AGAP3: variants seen among roughly 807,000 people sequenced by gnomAD.
AGAP3 encodes arf-GAP with GTPase, ANK repeat and PH domain-containing protein 3.
AGAP3 carries 24 observed loss-of-function variants against 96.9 expected under a neutral mutation model. The observed-to-expected ratio is 0.25, with a 90% CI of 0.18 to 0.35. The LOEUF is 0.35. Among genes scored for constraint, AGAP3 ranks in the 10% least tolerant of loss-of-function variants. The pLI is 1.00. For missense variants in AGAP3, 876 were observed against 1,254.2 expected, an observed-to-expected ratio of 0.70 and a Z score of 4.55; for synonymous variants, 563 against 536.1, an observed-to-expected ratio of 1.05 and a Z score of -0.69.
rs1288562877 is a variant in AGAP3, at chr7:151,096,326, G to A, written c.331+9254G>A. On this transcript the variant is annotated intron_variant, in intron 1 of 17. Coordinates refer to ENST00000397238, the MANE Select transcript of AGAP3 (RefSeq NM_031946.7). The surrounding 1 kb of genome is among the most constrained non-coding windows in gnomAD (Gnocchi z 4.4). Reference sequence around the variant, plus strand: ...TTTAGCTCATCCAGGCCCAGGGGAAGGGACCTGAGGGGGCAGGGCTGTCAC... The same window carrying A: ...TTTAGCTCATCCAGGCCCAGGGGAAAGGACCTGAGGGGGCAGGGCTGTCAC... 1.7e-4 allele frequency among the ~76,000 whole-genome samples: 26 copies of A among 152,178 alleles called. No individual in the cohort carries two copies. Among genetic ancestry groups the A allele is most frequent in the Admixed American group, 1.7e-3 (26 of 15,280 alleles).
intron 10 of AGAP3, among the ~76,000 whole-genome samples, chr7:151,132,605 C>T (rs925107056): frequency 1.3e-5 from 2 of 152,194 alleles, no homozygotes; most frequent in Non-Finnish European, 2.9e-5. Context: ...GCAGGCTCGG[C>T]GAGACCCACA....
chr7:151,095,205 A>G (rs1002563271), intron 1 of AGAP3, among the ~76,000 whole-genome samples: 3 of 152,166 alleles, frequency 2.0e-5, no homozygotes, highest in African/African-American at 7.2e-5. Flanking sequence ...TACAACGTAC[A>G]TTTCTCTGTT....
Position 151,118,705 on chromosome 7 carries a change from C to T in AGAP3, c.969+73C>T. 6.4e-7 allele frequency: 1 copy of T among 1,562,770 alleles called. No homozygotes were observed. Among genetic ancestry groups the T allele is most frequent in the Non-Finnish European group, 8.7e-7 (1 of 1,149,496 alleles). ...CTTGCCTCTGTGCGTCCTGCCACTT[C>T]TGCTGGCCTCCTGCTCACACCTGTC... On this transcript the variant is annotated intron_variant, in intron 7 of 17. Transcript: ENST00000397238. The surrounding 1 kb of genome is among the most constrained non-coding windows in gnomAD (Gnocchi z 6.1).
rs537491993 is a variant in AGAP3, at chr7:151,138,151, C to T, written c.1504C>T (p.His502Tyr). The T allele has an allele frequency of 1.3e-6, 2 of 1,598,468 alleles. No individual in the cohort carries two copies. Among genetic ancestry groups the T allele is most frequent in the African/African-American group, 1.3e-5 (1 of 74,634 alleles). The change falls in exon 12 of 18, where the codon CAC becomes TAC. Residue 502 changes from histidine (H) to tyrosine (Y), a missense_variant. Physicochemically the swap from His to Tyr is moderately conservative, Grantham distance 83 (BLOSUM62 2). Transcript: ENST00000397238. ...ACCCTTCCCGCCCCCAGGTGCCCCC[C>T]ACTCGGCCAGCAGCGCATCCCTGCA... ...TQLGGGTGAP[H>Y]SASSASLHSE... is the part of the protein sequence containing the mutation.
intron 11 of AGAP3, chr7:151,137,762 A>G (rs1800657767): frequency 4.0e-6 from 1 of 250,314 alleles, no homozygotes; most frequent in Non-Finnish European, 7.6e-6. Flanking sequence ...AGCAAATGGC[A>G]TATGTGGACT....
chr7:151,129,952 G>A (rs1584773152), intron 10 of AGAP3, among the ~76,000 whole-genome samples: 1 of 152,334 alleles, frequency 6.6e-6, no homozygotes, highest in Middle Eastern at 3.4e-3. Flanking sequence ...CTCACAGACA[G>A]GAAGTCCCAG....
At chr7:151,094,479 GA>G (rs57860368) in intron 1 of AGAP3, among the ~76,000 whole-genome samples, 2,128 of 119,594 alleles carry the variant, frequency 0.018, 41 homozygotes, top group African/African-American at 0.054. Flanking sequence ...TGATACGTAA[GA>G]AAAAAAAAAA....
rs1369344211 is a variant in AGAP3, at chr7:151,142,028, A to G, written c.1935A>G (p.Gln645=). ...AGGCCCAGATCCTTGCCAGCCTGCAAGGCTGCCGCAGTGCCAAGGACAAGG... is the reference window on the plus strand; with the variant it reads ...AGGCCCAGATCCTTGCCAGCCTGCAGGGCTGCCGCAGTGCCAAGGACAAGG... ...SVQAQILASL[Q]GCRSAKDKTR... Residue 645 remains glutamine, a synonymous_variant, in exon 14 of 18, where the codon CAA becomes CAG. Coordinates refer to ENST00000397238, the MANE Select transcript of AGAP3 (RefSeq NM_031946.7). This position sits in a 1 kb window ranked among gnomAD's most constrained non-coding sequence, Gnocchi z 7.5. 1 of 1,613,960 alleles carries G rather than the reference A, an allele frequency of 6.2e-7. No individual in the cohort carries two copies. The highest frequency in any genetic ancestry group is 1.7e-4 in the Middle Eastern group (1 of 6,058).
At position 151,143,220 on chromosome 7, in the gene AGAP3, T is replaced by G. The variant is rs1166897978; in HGVS notation, c.2274-121T>G. ...CCTTCCTTTTTGCTCCATCTCATCT[T>G]CTCTCACTGTTTCTTCCTTGTTCCC... On this transcript the variant is annotated intron_variant, in intron 16 of 17. Transcript: ENST00000397238. This position sits in a 1 kb window ranked among gnomAD's most constrained non-coding sequence, Gnocchi z 5.9. 19 of 1,255,560 alleles carry G rather than the reference T, an allele frequency of 1.5e-5. No homozygotes were observed. In the Admixed American group the frequency reaches 2.0e-4, roughly 13 times the overall value. The allele number at this position is 1,255,560 out of a possible 1,614,324, so 77.8% of individuals were successfully genotyped here.
intron 8 of AGAP3, among the ~76,000 whole-genome samples, chr7:151,121,246 C>T (rs1458799527): frequency 1.3e-5 from 2 of 152,220 alleles, no homozygotes; most frequent in Admixed American, 6.5e-5. Context: ...AGACTCTGTG[C>T]TGACGGTCCG....
rs773763134 is a variant in AGAP3, at chr7:151,141,924, G to A, written c.1831G>A (p.Val611Met). ...GGCAGAGGAGTCGTTTGAATTTGTG[G>A]TGGTGTCCCTCACTGGGCAGACGTG... Reference protein sequence around the residue: ...EEAEESFEFVVVSLTGQTWHF... With the variant: ...EEAEESFEFVMVSLTGQTWHF... The change falls in exon 14 of 18, where the codon GTG (valine) becomes ATG (methionine). Residue 611 changes from valine to methionine, a missense_variant. By Grantham distance (21) the Val-to-Met change is conservative. Coordinates refer to ENST00000397238, the MANE Select transcript of AGAP3 (RefSeq NM_031946.7). The surrounding 1 kb of genome is among the most constrained non-coding windows in gnomAD (Gnocchi z 4.2). The A allele has an allele frequency of 1.9e-6, 3 of 1,614,176 alleles. No individual in the cohort carries two copies. Among genetic ancestry groups the A allele is most frequent in the South Asian group, 2.2e-5 (2 of 91,082 alleles).
intron 8 of AGAP3, among the ~76,000 whole-genome samples, chr7:151,122,504 C>CCCGCCGCCG (rs199902776): frequency 6.6e-6 from 1 of 151,370 alleles, no homozygotes; most frequent in African/African-American, 2.4e-5. Flanking sequence ...GCCGCTGCCG[C>CCCGCCGCCG]CCGCCGCCGC....
Position 151,117,822 on chromosome 7 carries a change from G to A in AGAP3, c.706+45G>A, listed in dbSNP as rs527671411. On this transcript the variant is annotated intron_variant, in intron 5 of 17. Coordinates refer to ENST00000397238, the MANE Select transcript of AGAP3 (RefSeq NM_031946.7). ...GAGCTGGCAGAGAGCAGGAAGTCCC[G>A]GGCAACGATGCATGGGGGCAGGGGT... The A allele has an allele frequency of 4.8e-5, 76 of 1,568,486 alleles. 1 individual carries two copies. Among genetic ancestry groups the A allele is most frequent in the African/African-American group, 5.4e-5 (4 of 73,998 alleles).
At chr7:151,134,679 A>G in intron 11 of AGAP3, 111 bp downstream of exon 11, 1 of 1,141,480 alleles carries the variant, frequency 8.8e-7, no homozygotes, top group South Asian at 1.5e-5. Flanking sequence ...GCTGGCCAGC[A>G]TCACACTTCA....
chr7:151,118,732 A>G lies in AGAP3; in HGVS notation c.969+100A>G. On this transcript the variant is annotated intron_variant, in intron 7 of 17. Transcript: ENST00000397238. The surrounding 1 kb of genome is among the most constrained non-coding windows in gnomAD (Gnocchi z 6.1). ...GCTGGCCTCCTGCTCACACCTGTCC[A>G]CCTTCCTCTGGCCTCCCAGCCTTGC... 6.9e-7 allele frequency: 1 copy of G among 1,457,156 alleles called. No individual in the cohort carries two copies. Among genetic ancestry groups the G allele is most frequent in the African/African-American group, 1.4e-5 (1 of 71,756 alleles). 90.3% of individuals were successfully genotyped at this position (1,457,156 alleles called of 1,614,324 possible).
chr7:151,102,455 C>G (rs762318582), intron 1 of AGAP3, among the ~76,000 whole-genome samples: 7 of 152,094 alleles, frequency 4.6e-5, no homozygotes, highest in African/African-American at 7.2e-5. Flanking sequence ...GACAGCAGGA[C>G]CAGATCTGCT....
rs773984617 is a variant in AGAP3, at chr7:151,103,835, C to T, written c.332-12958C>T. Among the ~76,000 whole-genome samples, 16 of 152,224 alleles carry T rather than the reference C, an allele frequency of 1.1e-4. 1 individual carries two copies. The highest frequency in any genetic ancestry group is 7.3e-5 in the Non-Finnish European group (5 of 68,042). On this transcript the variant is annotated intron_variant, in intron 1 of 17. Transcript: ENST00000397238. Reference sequence around the variant, plus strand: ...ATGGACTTATTGTAGGGCCAGGACCCATTTTCCTGTAGAAGGCCCGAGTCC... The same window carrying T: ...ATGGACTTATTGTAGGGCCAGGACCTATTTTCCTGTAGAAGGCCCGAGTCC...
intron 8 of AGAP3, chr7:151,120,981 G>A (rs775817869): frequency 6.8e-4 from 322 of 472,008 alleles, no homozygotes; most frequent in Non-Finnish European, 8.4e-4. Context: ...GTGAACCCCC[G>A]TGTGGGTTGT....
chr7:151,140,168 G>A lies in AGAP3; in HGVS notation c.1804+52G>A. ...GCACAGGAGGTGGGCAGTGGGACTT[G>A]GGGATAGTACCCTAAAAGTAACACC... On this transcript the variant is annotated intron_variant, in intron 13 of 17. Coordinates refer to ENST00000397238, the MANE Select transcript of AGAP3 (RefSeq NM_031946.7). The surrounding 1 kb of genome is among the most constrained non-coding windows in gnomAD (Gnocchi z 5.4). 1 of 1,477,400 alleles carries A rather than the reference G, an allele frequency of 6.8e-7. No individual in the cohort carries two copies. Among genetic ancestry groups the A allele is most frequent in the Non-Finnish European group, 9.0e-7 (1 of 1,112,458 alleles). 91.5% of individuals were successfully genotyped at this position (1,477,400 alleles called of 1,614,324 possible). A position where few individuals can be genotyped will look rare whatever the true frequency, so the allele number is the denominator to read the frequency against.
Sources: allele counts gnomAD v4.1 joint callset (sites outside exome capture counted in the v4.1 genomes callset), GRCh38; gene constraint gnomAD v4.1.1; non-coding constraint Gnocchi (gnomAD v3.1); transcripts MANE v1.5; gene names NCBI Gene and HGNC (gene_info 2026-07-23, HGNC 2026-07-21).